EYA2: variants seen among roughly 807,000 people sequenced by gnomAD.
The protein encoded by EYA2 is protein phosphatase EYA2.
A neutral mutation model predicts 69.2 loss-of-function variants in EYA2; 31 were observed. The observed-to-expected ratio is 0.45, with a 90% confidence interval of 0.34 to 0.60. The LOEUF (loss-of-function observed/expected upper bound fraction) is 0.60. Among genes scored for constraint, EYA2 ranks in the 20% least tolerant of loss-of-function variants. EYA2 has a pLI of 0.02. For missense variants in EYA2, 622 were observed against 701.2 expected (o/e 0.89, Z 1.28); for synonymous variants, 257 against 279.4 (o/e 0.92, Z 0.80).
intron 3 of EYA2, among the ~76,000 whole-genome samples, chr20:47,004,052 T>A (rs1472560855): frequency 6.6e-6 from 1 of 152,202 alleles, no homozygotes; most frequent in Non-Finnish European, 1.5e-5. Context: ...ATATCTTAAG[T>A]AAGGAGCCCT....
intron 5 of EYA2, among the ~76,000 whole-genome samples, chr20:47,023,999 G>C (rs1983935362): frequency 6.6e-6 from 1 of 152,062 alleles, no homozygotes; most frequent in Admixed American, 6.6e-5. Flanking sequence ...CTGGCTTCTT[G>C]AACAGATAGA....
intron 1 of EYA2, among the ~76,000 whole-genome samples, chr20:46,972,917 T>C (rs1450621409): frequency 3.3e-5 from 5 of 152,246 alleles, no homozygotes; most frequent in Non-Finnish European, 5.9e-5. Context: ...CTGGAATATC[T>C]CTCTTCTTTC....
At chr20:47,063,795 C>A (rs1330436605) in intron 5 of EYA2, among the ~76,000 whole-genome samples, 2 of 152,216 alleles carry the variant, frequency 1.3e-5, no homozygotes, top group Non-Finnish European at 1.5e-5. Context: ...CCGGAAAACT[C>A]TGTAACCAGG....
chr20:47,005,886 A>G (rs974719033), intron 4 of EYA2, among the ~76,000 whole-genome samples: 8 of 152,136 alleles, frequency 5.3e-5, no homozygotes, highest in African/African-American at 1.7e-4. Context: ...CTCCTAGCTG[A>G]TATCTTAACC....
At chr20:46,910,304 G>A (rs771568565) in intron 1 of EYA2, among the ~76,000 whole-genome samples, 2 of 152,092 alleles carry the variant, frequency 1.3e-5, no homozygotes, top group Non-Finnish European at 2.9e-5. Flanking sequence ...GGCGGGAGGT[G>A]CCACACTGTT....
At chr20:46,970,687 C>A (rs947155624) in intron 1 of EYA2, among the ~76,000 whole-genome samples, 4 of 152,196 alleles carry the variant, frequency 2.6e-5, no homozygotes, top group Non-Finnish European at 5.9e-5. Context: ...ACTATGCAGA[C>A]ATTGAAGAAG....
intron 10 of EYA2, among the ~76,000 whole-genome samples, chr20:47,157,925 A>G (rs1293421623): frequency 1.3e-5 from 2 of 152,006 alleles, no homozygotes; most frequent in African/African-American, 4.8e-5. Context: ...CACACATTTT[A>G]TAAGACTAAC....
At chr20:47,163,718 A>G (rs1160718372) in intron 10 of EYA2, among the ~76,000 whole-genome samples, 1 of 151,060 alleles carries the variant, frequency 6.6e-6, no homozygotes, top group Non-Finnish European at 1.5e-5. Context: ...AAAAAAAAAA[A>G]AAAAATCCAC....
At chr20:46,988,024 AATAAT>A (rs1362198183) in intron 1 of EYA2, among the ~76,000 whole-genome samples, 1 of 137,502 alleles carries the variant, frequency 7.3e-6, no homozygotes, top group Non-Finnish European at 1.6e-5. Context: ...ACAGAATAAA[AATAAT>A]ATATGTTTTA....
At chr20:47,143,686 C>T (rs1053731596) in intron 10 of EYA2, among the ~76,000 whole-genome samples, 8 of 152,074 alleles carry the variant, frequency 5.3e-5, no homozygotes, top group Non-Finnish European at 1.0e-4. Flanking sequence ...GGGAAAAAAG[C>T]GGGAGAGCAG....
chr20:47,104,734 T>C (rs144957516), intron 9 of EYA2, among the ~76,000 whole-genome samples: 4 of 152,244 alleles, frequency 2.6e-5, no homozygotes, highest in East Asian at 1.9e-4. Context: ...AGAAAATCAA[T>C]TGGCAGCCAG....
At chr20:47,147,205 T>C (rs939475557) in intron 10 of EYA2, among the ~76,000 whole-genome samples, 1 of 151,934 alleles carries the variant, frequency 6.6e-6, no homozygotes, top group African/African-American at 2.4e-5. Context: ...CACGCCACCA[T>C]GTCCAGCTAA....
intron 9 of EYA2, among the ~76,000 whole-genome samples, chr20:47,136,383 A>T (rs939138646): frequency 6.6e-6 from 1 of 152,214 alleles, no homozygotes; most frequent in Non-Finnish European, 1.5e-5. Flanking sequence ...CATCCAAGAA[A>T]TACAACCATA....
intron 2 of EYA2, among the ~76,000 whole-genome samples, chr20:47,000,414 G>A (rs888036509): frequency 6.6e-6 from 1 of 152,208 alleles, no homozygotes; most frequent in Admixed American, 6.5e-5. Context: ...AGCCTCCAGC[G>A]CAGAGGCTGA....
At chr20:47,134,535 G>A (rs2033413843) in intron 9 of EYA2, among the ~76,000 whole-genome samples, 1 of 151,424 alleles carries the variant, frequency 6.6e-6, no homozygotes, top group Non-Finnish European at 1.5e-5. Flanking sequence ...TTTTTACATG[G>A]TCACAGTAAG....
Position 47,075,979 on chromosome 20 carries a change from T to C in EYA2, c.661+1644T>C, listed in dbSNP as rs1407328233. On this transcript the variant is annotated intron_variant, in intron 7 of 15. Transcript: ENST00000327619. Reference sequence around the variant, plus strand: ...ATTTGGTTTTCTGTTCCTGTGTTAATTCACTTAGGATAATGGCCTCTAGCC... The same window carrying C: ...ATTTGGTTTTCTGTTCCTGTGTTAACTCACTTAGGATAATGGCCTCTAGCC... Among the ~76,000 whole-genome samples, 8 of 152,356 alleles carry C rather than the reference T, an allele frequency of 5.3e-5. No individual in the cohort carries two copies. The South Asian group carries it at 1.2e-3, about 24-fold the overall frequency.
At chr20:47,107,539 AAAG>A (rs1457846053) in intron 9 of EYA2, among the ~76,000 whole-genome samples, 12 of 148,288 alleles carry the variant, frequency 8.1e-5, no homozygotes, top group East Asian at 4.0e-4. Context: ...AAAAAAAAAA[AAAG>A]AAAGAAAGAA....
intron 15 of EYA2, among the ~76,000 whole-genome samples, chr20:47,187,845 G>T (rs2034677018): frequency 6.6e-6 from 1 of 152,252 alleles, no homozygotes. Context: ...AAGCCCGTCA[G>T]AGCAGGCTCT....
intron 1 of EYA2, among the ~76,000 whole-genome samples, chr20:46,986,700 G>C (rs1015452363): frequency 6.6e-6 from 1 of 152,090 alleles, no homozygotes; most frequent in African/African-American, 2.4e-5. Flanking sequence ...TGGAGGGCCA[G>C]CAGGCACATC....
Sources: gnomAD v4.1 joint callset for allele counts (sites outside exome capture counted in the v4.1 genomes callset) on GRCh38, gnomAD v4.1.1 for gene constraint, MANE v1.5 for transcripts, NCBI Gene and HGNC (gene_info 2026-07-23, HGNC 2026-07-21) for gene names.